The following UCK2 variants were observed in gnomAD, a reference collection of about 807,000 sequenced individuals.
UCK2 encodes the protein uridine-cytidine kinase 2.
Under a neutral mutation model 30.8 loss-of-function variants are expected in UCK2, and 6 were observed. The ratio of observed to expected loss-of-function variants is 0.19; its 90% CI spans 0.11 to 0.38. UCK2 has a LOEUF of 0.38. UCK2 is among the 10% of genes least tolerant of loss of function. The pLI, the probability that UCK2 is intolerant of heterozygous loss-of-function variation, is 1.00. For synonymous variants in UCK2, 125 were observed against 133.6 expected (o/e 0.94, Z 0.45); for missense variants, 210 against 339.8 (o/e 0.62, Z 3.00).
Position 165,909,333 on chromosome 1 carries a change from A to T in UCK2, c.*1510A>T, listed in dbSNP as rs1445223999. Reference sequence around the variant, plus strand: ...TGTTGACCACCCTAGTGCTTGGTGGACTGTGCCCTTAGCTATCCCACTGTG... The same window carrying T: ...TGTTGACCACCCTAGTGCTTGGTGGTCTGTGCCCTTAGCTATCCCACTGTG... On this transcript the variant is annotated 3_prime_UTR_variant, in exon 7 of 7. Coordinates refer to ENST00000367879, the MANE Select transcript of UCK2 (RefSeq NM_012474.5). 1 of 152,194 alleles carries T rather than the reference A, an allele frequency of 6.6e-6. No homozygotes were observed. Among genetic ancestry groups the T allele is most frequent in the African/African-American group, 2.4e-5 (1 of 41,426 alleles). 9.4% of individuals were successfully genotyped at this position (152,194 alleles called of 1,614,324 possible). A position where few individuals can be genotyped will look rare whatever the true frequency, so the allele number is the denominator to read the frequency against.
rs1225884098 is a variant in UCK2 at position 165,891,242 on chromosome 1, A to G, written c.276A>G (p.Glu92=). ...ATTTTTCAGATGCCTTTGACAATGAACTCATTCTCAAAACACTCAAAGAAA... is the reference window on the plus strand; with the variant it reads ...ATTTTTCAGATGCCTTTGACAATGAGCTCATTCTCAAAACACTCAAAGAAA... ...NFDHPDAFDN[E]LILKTLKEIT... Residue 92 remains glutamate, a synonymous_variant, in exon 3 of 7, where the codon GAA becomes GAG. Transcript: ENST00000367879. 1 of 1,613,924 alleles carries G rather than the reference A, an allele frequency of 6.2e-7. No homozygotes were observed. The highest frequency in any genetic ancestry group is 1.1e-5 in the South Asian group (1 of 91,084).
At chr1:165,891,422 T>G in intron 3 of UCK2, 100 bp downstream of exon 3, 1 of 1,069,380 alleles carries the variant, frequency 9.4e-7, no homozygotes, top group Non-Finnish European at 1.4e-6. Flanking sequence ...ACTTCAGACC[T>G]CTGTCCTACC....
intron 1 of UCK2, among the ~76,000 whole-genome samples, chr1:165,836,051 A>T (rs894677965): frequency 1.3e-5 from 2 of 152,172 alleles, no homozygotes; most frequent in African/African-American, 4.8e-5. Context: ...CAACATGGGG[A>T]AACCCCGTCT....
chr1:165,835,456 C>T (rs528361464), intron 1 of UCK2, among the ~76,000 whole-genome samples: 2 of 152,128 alleles, frequency 1.3e-5, no homozygotes, highest in East Asian at 1.9e-4. Context: ...CTGTCTTGGG[C>T]TCCCAAGGTG....
Position 165,911,463 on chromosome 1 carries a change from G to C in UCK2, c.*3640G>C, listed in dbSNP as rs1215337433. 1 of 152,112 alleles carries C rather than the reference G, an allele frequency of 6.6e-6. No individual in the cohort carries two copies. The highest frequency in any genetic ancestry group is 1.5e-5 in the Non-Finnish European group (1 of 68,028). 9.4% of individuals were successfully genotyped at this position (152,112 alleles called of 1,614,324 possible). ...CTACCCAGTCCTGCCTCAGGAGCAG[G>C]GTGAGTAGCTAAATACAGACTTAGG... is the stretch of plus-strand genomic sequence containing the variant. On this transcript the variant is annotated 3_prime_UTR_variant, in exon 7 of 7. Coordinates refer to ENST00000367879, the MANE Select transcript of UCK2 (RefSeq NM_012474.5).
intron 1 of UCK2, among the ~76,000 whole-genome samples, chr1:165,841,754 C>T (rs894567875): frequency 2.6e-5 from 4 of 152,102 alleles, no homozygotes; most frequent in African/African-American, 7.2e-5. Context: ...TGTTTTTAAG[C>T]GTCTGCCAAA....
intron 1 of UCK2, among the ~76,000 whole-genome samples, chr1:165,835,707 CAG>C (rs1256692745): frequency 1.3e-5 from 2 of 152,138 alleles, no homozygotes; most frequent in Admixed American, 6.5e-5. Context: ...TTATTTGAGT[CAG>C]AAATGTTTAT....
intron 1 of UCK2, among the ~76,000 whole-genome samples, chr1:165,870,317 G>C (rs1655165235): frequency 6.7e-6 from 1 of 150,150 alleles, no homozygotes; most frequent in Non-Finnish European, 1.5e-5. Flanking sequence ...TTGAGCCTCA[G>C]TGTCTGGCTA....
In UCK2 at chr1:165,891,314, C is replaced by G; in HGVS notation, c.348C>G (p.Ser116=). The change falls in exon 3 of 7, where the codon TCC becomes TCG. Residue 116 remains serine, a synonymous_variant. Transcript: ENST00000367879. ...AGATCCCCGTGTATGACTTTGTCTC[C>G]CATTCCCGGTAAGTGAGCTGTTCTG... ...TVQIPVYDFV[S]HSRKEETVTV... is the part of the protein sequence containing the mutation. 6.2e-7 allele frequency: 1 copy of G among 1,614,124 alleles called. No individual in the cohort carries two copies. Among genetic ancestry groups the G allele is most frequent in the Non-Finnish European group, 8.5e-7 (1 of 1,179,974 alleles).
intron 1 of UCK2, among the ~76,000 whole-genome samples, chr1:165,867,541 C>T (rs926458819): frequency 3.9e-5 from 6 of 152,218 alleles, no homozygotes; most frequent in Non-Finnish European, 4.4e-5. Context: ...TATTCTAAAT[C>T]CTTTGTTAGC....
At chr1:165,831,977 C>T (rs960889138) in intron 1 of UCK2, among the ~76,000 whole-genome samples, 7 of 152,034 alleles carry the variant, frequency 4.6e-5, no homozygotes, top group South Asian at 2.1e-4. Context: ...CCATGTTGGC[C>T]GGGCTGGTCT....
chr1:165,831,846 A>G (rs1214085818), intron 1 of UCK2, among the ~76,000 whole-genome samples: 2 of 151,914 alleles, frequency 1.3e-5, no homozygotes, highest in African/African-American at 4.8e-5. Flanking sequence ...GTTTACTGCA[A>G]CCTCCACCTC....
chr1:165,860,102 T>TC (rs1269080436), intron 1 of UCK2, among the ~76,000 whole-genome samples: 5 of 152,208 alleles, frequency 3.3e-5, no homozygotes, highest in African/African-American at 1.2e-4. Flanking sequence ...CAGTCCTCTG[T>TC]CCCCACCTTA....
At chr1:165,846,975 C>A (rs192483651) in intron 1 of UCK2, among the ~76,000 whole-genome samples, 32 of 152,194 alleles carry the variant, frequency 2.1e-4, no homozygotes, top group Admixed American at 5.2e-4. Context: ...CTGCCTTTGT[C>A]CCCTTGTGAG....
At chr1:165,830,033 TCTCA>T (rs1654004793) in intron 1 of UCK2, among the ~76,000 whole-genome samples, 1 of 152,098 alleles carries the variant, frequency 6.6e-6, no homozygotes, top group Non-Finnish European at 1.5e-5. Flanking sequence ...TGAGACAGGG[TCTCA>T]CTCTTTTGCC....
intron 3 of UCK2, among the ~76,000 whole-genome samples, chr1:165,893,174 G>A (rs1277818536): frequency 6.6e-6 from 1 of 152,204 alleles, no homozygotes; most frequent in Non-Finnish European, 1.5e-5. Context: ...ATGGTTGACA[G>A]GAGCCAGGGC....
chr1:165,827,905 C>T lies in UCK2; in HGVS notation c.72C>T (p.Gly24=). ...QPNGGEPFLI[G]VSGGTASGKS... ...ACGGCGGCGAGCCCTTCCTTATAGG[C>T]GTCAGCGGGGGAACAGCTAGCGGCA... is the stretch of plus-strand genomic sequence containing the variant. Residue 24 remains glycine, a synonymous_variant, in exon 1 of 7, where the codon GGC becomes GGT. Transcript: ENST00000367879. The T allele has an allele frequency of 6.9e-7, 1 of 1,458,474 alleles. No individual in the cohort carries two copies. The highest frequency in any genetic ancestry group is 9.1e-7 in the Non-Finnish European group (1 of 1,096,610). The allele number at this position is 1,458,474 out of a possible 1,614,324, so 90.3% of individuals were successfully genotyped here. A position where few individuals can be genotyped will look rare whatever the true frequency, so the allele number is the denominator to read the frequency against.
intron 1 of UCK2, among the ~76,000 whole-genome samples, chr1:165,868,745 G>T (rs114496136): frequency 1.2e-4 from 18 of 152,260 alleles, no homozygotes; most frequent in African/African-American, 4.3e-4. Context: ...AACTTTCTTC[G>T]TATCAGTAAT....
chr1:165,879,571 T>TATTATTATTA (rs1553199402), intron 1 of UCK2, among the ~76,000 whole-genome samples: 1 of 150,944 alleles, frequency 6.6e-6, no homozygotes, highest in Non-Finnish European at 1.5e-5. Context: ...TTATTATTAT[T>TATTATTATTA]TTGTCAGTAG....
Sources: allele counts gnomAD v4.1 joint callset (sites outside exome capture counted in the v4.1 genomes callset), GRCh38; gene constraint gnomAD v4.1.1; transcripts MANE v1.5; gene names NCBI Gene and HGNC (gene_info 2026-07-23, HGNC 2026-07-21).